ATG7: variants seen among roughly 807,000 people sequenced by gnomAD.
ATG7 encodes the protein autophagy related 7.
ATG7 carries 70 observed loss-of-function variants against 82.4 expected under a neutral mutation model. The ratio of observed to expected loss-of-function variants is 0.85; its 90% CI spans 0.70 to 1.04. ATG7 has a LOEUF of 1.04. Ranked by LOEUF, ATG7 falls within the 50% of genes least tolerant of loss-of-function variation. ATG7 has a pLI of 0.00. For synonymous variants in ATG7, 287 were observed against 313.0 expected (o/e 0.92, Z 0.88); for missense variants, 792 against 864.3 (o/e 0.92, Z 1.05).
At chr3:11,297,958 A>G (rs555463095) in intron 3 of ATG7, among the ~76,000 whole-genome samples, 18 of 152,338 alleles carry the variant, frequency 1.2e-4, no homozygotes, top group African/African-American at 3.1e-4. Context: ...ATAAACATTA[A>G]GGCCGCAAAG....
intron 7 of ATG7, 51 bp from the exon 8 acceptor site, chr3:11,313,253 C>T (rs775541165): frequency 8.1e-7 from 1 of 1,239,424 alleles, no homozygotes; most frequent in Non-Finnish European, 1.1e-6. Flanking sequence ...ATGCATTTCA[C>T]CTTAAGTTAA....
chr3:11,304,978 G>A (rs1947477586), intron 5 of ATG7, among the ~76,000 whole-genome samples: 1 of 152,048 alleles, frequency 6.6e-6, no homozygotes, highest in African/African-American at 2.4e-5. Context: ...TCCCAAAAAA[G>A]ACACCCTTAG....
the ATG7 span, among the ~76,000 whole-genome samples, chr3:11,566,197 TAC>T: frequency 3.9e-5 from 6 of 152,002 alleles, no homozygotes; most frequent in African/African-American, 9.7e-5. Flanking sequence ...CACAGAATGT[TAC>T]ACACACACTG....
At chr3:11,315,729 T>G (rs981121265) in intron 9 of ATG7, among the ~76,000 whole-genome samples, 1 of 152,186 alleles carries the variant, frequency 6.6e-6, no homozygotes, top group Non-Finnish European at 1.5e-5. Flanking sequence ...TACTCTTTTT[T>G]TTTGTTTGTT....
At chr3:11,466,939 G>T (rs113065265) in intron 20 of ATG7, among the ~76,000 whole-genome samples, 2 of 152,134 alleles carry the variant, frequency 1.3e-5, no homozygotes. Context: ...AGATCAGCCT[G>T]ACTAACATGG....
intron 20 of ATG7, among the ~76,000 whole-genome samples, chr3:11,554,404 A>C (rs2072176956): frequency 6.6e-6 from 1 of 152,192 alleles, no homozygotes; most frequent in South Asian, 2.1e-4. Context: ...TGCCCATGCC[A>C]GAATTCCTGC....
chr3:11,449,696 C>T (rs1008987975), intron 20 of ATG7, among the ~76,000 whole-genome samples: 7 of 152,142 alleles, frequency 4.6e-5, no homozygotes, highest in African/African-American at 1.7e-4. Flanking sequence ...TTTCTAATCC[C>T]GTTGTCCCAG....
At chr3:11,343,824 C>T (rs1201922156) in intron 13 of ATG7, among the ~76,000 whole-genome samples, 2 of 152,126 alleles carry the variant, frequency 1.3e-5, no homozygotes, top group African/African-American at 4.8e-5. Flanking sequence ...TATTTTGACT[C>T]ATTGATCTAT....
At chr3:11,360,903 A>C in intron 16 of ATG7, 119 bp downstream of exon 16, 2 of 1,167,960 alleles carry the variant, frequency 1.7e-6, no homozygotes, top group Non-Finnish European at 2.4e-6. Context: ...AAAGAGAAGA[A>C]TTCTCCAATT....
intron 13 of ATG7, among the ~76,000 whole-genome samples, 173 bp from the exon 14 acceptor site, chr3:11,347,704 A>T (rs1313334417): frequency 1.3e-5 from 2 of 152,212 alleles, no homozygotes; most frequent in Non-Finnish European, 2.9e-5. Context: ...TTTTCTAAGG[A>T]AAGTCAACAT....
At chr3:11,408,285 A>G (rs1217321972) in intron 19 of ATG7, among the ~76,000 whole-genome samples, 2 of 152,160 alleles carry the variant, frequency 1.3e-5, no homozygotes, top group African/African-American at 4.8e-5. Context: ...CCTCATCTCC[A>G]TTTGAGACCA....
intron 11 of ATG7, among the ~76,000 whole-genome samples, chr3:11,340,040 A>T (rs1354678074): frequency 5.3e-5 from 8 of 152,228 alleles, no homozygotes; most frequent in African/African-American, 1.9e-4. Context: ...AGAGGCTCCC[A>T]TAGCAGGGAT....
the ATG7 span, chr3:11,568,458 A>T: frequency 2.6e-6 from 3 of 1,142,104 alleles, no homozygotes; most frequent in Non-Finnish European, 3.8e-6. The surrounding 1 kb of genome is among the most constrained non-coding windows in gnomAD (Gnocchi z 5.9). Context: ...CAGCAGGGAG[A>T]AGGGGACTTC....
chr3:11,353,628 C>T (rs2075725993), intron 14 of ATG7, among the ~76,000 whole-genome samples: 1 of 152,062 alleles, frequency 6.6e-6, no homozygotes, highest in Admixed American at 6.5e-5. Flanking sequence ...GCCCTCTCCA[C>T]ATTAATGAGT....
In ATG7 at chr3:11,556,937, G is replaced by A. The variant is rs2072480051; in HGVS notation, c.*2094G>A. Reference sequence around the variant, plus strand: ...GCCTGCAGCCACTCTGTGACTACAAGAGCCAGTCCTCCGACCTTTTCACCC... The same window carrying A: ...GCCTGCAGCCACTCTGTGACTACAAAAGCCAGTCCTCCGACCTTTTCACCC... On this transcript the variant is annotated 3_prime_UTR_variant, in exon 21 of 21. Coordinates refer to ENST00000693202, the MANE Select transcript of ATG7 (RefSeq NM_001349232.2). The A allele has an allele frequency of 1.3e-5, 2 of 152,732 alleles. No individual in the cohort carries two copies. The highest frequency in any genetic ancestry group is 2.9e-5 in the Non-Finnish European group (2 of 68,068). 9.5% of individuals were successfully genotyped at this position (152,732 alleles called of 1,614,324 possible).
Position 11,444,923 on chromosome 3 carries a change from GACAT to G in ATG7, c.2079+18002_2079+18005del, listed in dbSNP as rs1246743910. 2.0e-5 allele frequency among the ~76,000 whole-genome samples: 3 copies of G among 152,166 alleles called. No individual in the cohort carries two copies. The East Asian group carries it at 5.8e-4, about 29-fold the overall frequency. On this transcript the variant is annotated intron_variant, in intron 20 of 20. Coordinates refer to ENST00000693202, the MANE Select transcript of ATG7 (RefSeq NM_001349232.2). ...ACATAAACACACACTTCTAAAAGAA[GACAT>G]ACATGTGGCGAAAAAGCATATGTTA... is the stretch of plus-strand genomic sequence containing the variant.
chr3:11,394,833 TA>T (rs1448624803), intron 19 of ATG7, among the ~76,000 whole-genome samples: 1 of 152,234 alleles, frequency 6.6e-6, no homozygotes, highest in African/African-American at 2.4e-5. Context: ...ATCCTAGTCC[TA>T]AAATTATTTA....
Position 11,360,180 on chromosome 3 carries a change from C to T in ATG7, c.1480-401C>T, listed in dbSNP as rs566947803. 9.2e-5 allele frequency among the ~76,000 whole-genome samples: 14 copies of T among 152,280 alleles called. No homozygotes were observed. The South Asian group carries it at 1.7e-3, about 18-fold the overall frequency. ...CATGCCTCTGCCTCCTGAGTAGCTGCGACTACTGGCGCAAGCCATCATGCT... is the reference window on the plus strand; with the variant it reads ...CATGCCTCTGCCTCCTGAGTAGCTGTGACTACTGGCGCAAGCCATCATGCT... On this transcript the variant is annotated intron_variant, in intron 15 of 20. Transcript: ENST00000693202.
At chr3:11,517,343 A>AG (rs2092311325) in intron 20 of ATG7, among the ~76,000 whole-genome samples, 1 of 141,846 alleles carries the variant, frequency 7.0e-6, no homozygotes, top group African/African-American at 2.4e-5. Flanking sequence ...CCACCTCAAA[A>AG]AAAAAAAAGA....
Sources: gnomAD v4.1 joint callset for allele counts (sites outside exome capture counted in the v4.1 genomes callset) on GRCh38, gnomAD v4.1.1 for gene constraint, Gnocchi (gnomAD v3.1) non-coding constraint, MANE v1.5 for transcripts, NCBI Gene and HGNC (gene_info 2026-07-23, HGNC 2026-07-21) for gene names.